The following LIFR variants were observed in gnomAD, a reference collection of about 807,000 sequenced individuals.
LIFR encodes LIF receptor subunit alpha.
LIFR carries 84 observed loss-of-function variants against 122.2 expected under a neutral mutation model. The ratio of observed to expected loss-of-function variants is 0.69; its 90% CI spans 0.58 to 0.82. The LOEUF is 0.82. Among genes scored for constraint, LIFR ranks in the 40% least tolerant of loss-of-function variants. The probability of loss-of-function intolerance (pLI) is 0.00; values close to 1 mark genes in which losing one functional copy is unlikely to be tolerated. For synonymous variants in LIFR, 422 were observed against 434.7 expected (o/e 0.97, Z 0.36); for missense variants, 1,294 against 1,311.6 (o/e 0.99, Z 0.21).
At chr5:38,519,480 T>C (rs1265174296) in intron 5 of LIFR, among the ~76,000 whole-genome samples, 2 of 152,150 alleles carry the variant, frequency 1.3e-5, no homozygotes. Flanking sequence ...TCAAGTCTTC[T>C]AGCTACCTTG....
At chr5:38,606,332 A>AGAGAAAGAGAGAGAGT (rs1554033411) in intron 1 of LIFR, 2 of 152,186 alleles carry the variant, frequency 1.3e-5, no homozygotes, top group African/African-American at 4.8e-5. Context: ...AGCAGGACAG[A>AGAGAAAGAGAGAGAGT]GAGAAAGAGA....
intron 1 of LIFR, among the ~76,000 whole-genome samples, chr5:38,563,598 G>A (rs1748910157): frequency 6.6e-6 from 1 of 152,204 alleles, no homozygotes; most frequent in South Asian, 2.1e-4. Context: ...TTGGCTAAAA[G>A]TGGGGCTCAG....
At chr5:38,586,985 A>T (rs1749770522) in intron 1 of LIFR, among the ~76,000 whole-genome samples, 2 of 152,176 alleles carry the variant, frequency 1.3e-5, no homozygotes. Context: ...ATTGACTGAG[A>T]CACTGTGTGC....
intron 9 of LIFR, among the ~76,000 whole-genome samples, chr5:38,504,553 C>G (rs1055925137): frequency 1.3e-5 from 2 of 151,840 alleles, no homozygotes; most frequent in Admixed American, 1.3e-4. Context: ...GAAGATGGAA[C>G]TTAAGATGAG....
intron 6 of LIFR, 92 bp downstream of exon 6, chr5:38,511,698 G>T: frequency 8.1e-7 from 1 of 1,233,888 alleles, no homozygotes; most frequent in Non-Finnish European, 1.2e-6. Flanking sequence ...GCTGAATGAG[G>T]TTATGAGAAG....
At chr5:38,520,815 A>G (rs780878903) in intron 5 of LIFR, among the ~76,000 whole-genome samples, 8 of 152,202 alleles carry the variant, frequency 5.3e-5, no homozygotes, top group Non-Finnish European at 1.2e-4. Context: ...TACAAGTAAC[A>G]TGCTGTTTTG....
intron 1 of LIFR, among the ~76,000 whole-genome samples, chr5:38,554,629 C>G (rs10473100): frequency 0.83 from 126,607 of 152,102 alleles, 52,864 homozygotes; most frequent in East Asian, 0.98. Context: ...AGCTGGTGCA[C>G]AGTATACAAT....
intron 1 of LIFR, among the ~76,000 whole-genome samples, chr5:38,547,935 A>T (rs1183347764): frequency 6.6e-6 from 1 of 152,198 alleles, no homozygotes; most frequent in African/African-American, 2.4e-5. Context: ...TAAACATAAA[A>T]AAGGTACAGT....
At chr5:38,561,007 C>T (rs1748817331), upstream of LIFR, among the ~76,000 whole-genome samples, 1 of 152,146 alleles carries the variant, frequency 6.6e-6, no homozygotes, top group African/African-American at 2.4e-5. Flanking sequence ...CTGGCTGAGA[C>T]AAACAATAGT....
Position 38,510,652 on chromosome 5 carries a change from G to A in LIFR, c.803C>T (p.Thr268Ile), listed in dbSNP as rs1308411156. Residue 268 changes from threonine (T) to isoleucine (I), a missense_variant, in exon 7 of 20, where the codon ACA becomes ATA. Physicochemically the swap from Thr to Ile is moderately conservative, Grantham distance 89. Coordinates refer to ENST00000453190, the MANE Select transcript of LIFR (RefSeq NM_001127671.2). ...TTTTTCTTGACTCACACAACAAAAT[G>A]TTATGTCTGAGCCTACAAGTATCAC... ...DKVILVGSDI[T>I]FCCVSQEKVL... The A allele has an allele frequency of 6.2e-7, 1 of 1,613,768 alleles. No homozygotes were observed. The highest frequency in any genetic ancestry group is 1.3e-5 in the African/African-American group (1 of 75,020).
chr5:38,567,546 T>TTTATTTA (rs1561215423), intron 1 of LIFR, among the ~76,000 whole-genome samples: 9 of 30,948 alleles, frequency 2.9e-4, no homozygotes, highest in East Asian at 1.6e-3. Context: ...TTATTTATTT[T>TTTATTTA]GAAGACTGAG....
At chr5:38,570,638 T>A (rs895618126) in intron 1 of LIFR, among the ~76,000 whole-genome samples, 2 of 152,060 alleles carry the variant, frequency 1.3e-5, no homozygotes, top group Admixed American at 6.5e-5. Context: ...GAACTTAGAG[T>A]TCACCTATCG....
At chr5:38,594,141 T>A (rs1235729373) in intron 1 of LIFR, among the ~76,000 whole-genome samples, 1 of 152,180 alleles carries the variant, frequency 6.6e-6, no homozygotes, top group Non-Finnish European at 1.5e-5. Context: ...CATGTTTTTT[T>A]AAATGGTGTT....
chr5:38,493,674 C>T lies in LIFR; in HGVS notation c.1997G>A (p.Arg666Gln), dbSNP rs748647105. 6.5e-5 allele frequency: 105 copies of T among 1,614,008 alleles called. No individual in the cohort carries two copies. The highest frequency in any genetic ancestry group is 4.5e-4 in the East Asian group (20 of 44,878). Residue 666 changes from arginine (R) to glutamine (Q), a missense_variant, in exon 14 of 20, where the codon CGG (arginine) becomes CAG (glutamine). Arg to Gln is a conservative substitution (Grantham distance 43). Transcript: ENST00000453190. ...CCAGTCCATAAGGCATGGTTCCGAC[C>T]GAGACGAGTTACACCACTTAATGAC... ...DYVIKWCNSS[R>Q]SEPCLMDWRK...
At chr5:38,600,620 C>A (rs1352764179) in intron 2 of LIFR, among the ~76,000 whole-genome samples, 3 of 152,160 alleles carry the variant, frequency 2.0e-5, no homozygotes, top group Non-Finnish European at 4.4e-5. Context: ...TCACTGTGTT[C>A]TCTTGGTTCT....
intron 5 of LIFR, among the ~76,000 whole-genome samples, chr5:38,514,722 A>T (rs1458199586): frequency 6.6e-6 from 1 of 152,216 alleles, no homozygotes; most frequent in Non-Finnish European, 1.5e-5. Flanking sequence ...ATGGATCAAA[A>T]ATACTTGGAA....
chr5:38,522,342 C>G (rs939320236), intron 5 of LIFR, among the ~76,000 whole-genome samples: 9 of 152,158 alleles, frequency 5.9e-5, no homozygotes, highest in Non-Finnish European at 8.8e-5. Context: ...GCTTTAGGTG[C>G]TTCCTGTCAC....
intron 5 of LIFR, among the ~76,000 whole-genome samples, chr5:38,517,204 TA>T (rs903353386): frequency 6.6e-6 from 1 of 152,002 alleles, no homozygotes; most frequent in East Asian, 1.9e-4. Context: ...TAAAGTGTAA[TA>T]AAAAATTATA....
rs1745068430 is a variant in LIFR, at chr5:38,499,559, C to T, written c.1625G>A (p.Trp542Ter). 1 of 1,608,250 alleles carries T rather than the reference C, an allele frequency of 6.2e-7. No homozygotes were observed. The highest frequency in any genetic ancestry group is 8.5e-7 in the Non-Finnish European group (1 of 1,174,742). The change falls in exon 12 of 20, where the codon TGG (tryptophan) becomes TAG (stop). Residue 542 changes from tryptophan to a stop codon, truncating the protein, a stop_gained. Transcript: ENST00000453190. LOFTEE classifies it high-confidence loss of function. ...EASPSKGPDT[W>*]REWSSDGKNL... ...TTTTCCATCAGAACTCCACTCTCTC[C>T]AAGTATCAGGCCCCTTTGAAGGACC... is the stretch of plus-strand genomic sequence containing the variant.
Sources: allele counts gnomAD v4.1 joint callset (sites outside exome capture counted in the v4.1 genomes callset), GRCh38; gene constraint gnomAD v4.1.1; transcripts MANE v1.5; gene names NCBI Gene and HGNC (gene_info 2026-07-23, HGNC 2026-07-21).